FGD4: variants seen among roughly 807,000 people sequenced by gnomAD.
The protein encoded by FGD4 is FYVE, RhoGEF and PH domain-containing protein 4.
FGD4 carries 42 observed loss-of-function variants against 102.0 expected under a neutral mutation model. That is an observed-to-expected ratio of 0.41 (90% CI 0.32 to 0.53). FGD4 has a LOEUF of 0.53. Ranked by LOEUF, FGD4 falls within the 20% of genes least tolerant of loss-of-function variation. FGD4 has a pLI of 0.21. For missense variants in FGD4, 902 were observed against 1,078.2 expected (o/e 0.84, Z 2.29); for synonymous variants, 380 against 375.7 (o/e 1.01, Z -0.13).
At chr12:32,443,233 T>C (rs1942502627) in intron 1 of FGD4, among the ~76,000 whole-genome samples, 1 of 152,178 alleles carries the variant, frequency 6.6e-6, no homozygotes, top group Admixed American at 6.5e-5. Flanking sequence ...TGTCTGACAA[T>C]CTGACATCAA....
intron 1 of FGD4, among the ~76,000 whole-genome samples, chr12:32,504,497 T>G (rs1463761421): frequency 6.6e-6 from 1 of 152,222 alleles, no homozygotes; most frequent in East Asian, 1.9e-4. Context: ...GTGTCCACTA[T>G]GAAGCAATGC....
chr12:32,426,962 T>C (rs985228820), intron 1 of FGD4, among the ~76,000 whole-genome samples: 7 of 151,940 alleles, frequency 4.6e-5, no homozygotes, highest in African/African-American at 1.7e-4. Context: ...TCTTTTCTTC[T>C]TTCTTAGTCT....
chr12:32,624,800 A>G, intron 12 of FGD4, 176 bp from the exon 13 acceptor site: 1 of 655,202 alleles, frequency 1.5e-6, no homozygotes, highest in Non-Finnish European at 2.7e-6. Flanking sequence ...TTTTAGTAAC[A>G]TCTCTGTGTA....
rs151252244 is a variant in FGD4 at position 32,614,328 on chromosome 12, C to T, written c.1749+3045C>T. On this transcript the variant is annotated intron_variant, in intron 10 of 16. Transcript: ENST00000534526. ...GAGATGAAACATGGCTTTCCCAGTA[C>T]GATCCTGAAGACAAAACACAATCAG... is the stretch of plus-strand genomic sequence containing the variant. Among the ~76,000 whole-genome samples, 50 of 152,226 alleles carry T rather than the reference C, an allele frequency of 3.3e-4. 1 individual carries two copies. The East Asian group carries it at 5.6e-3, about 17-fold the overall frequency.
chr12:32,587,688 A>G (rs1212851528), intron 4 of FGD4, among the ~76,000 whole-genome samples: 1 of 152,112 alleles, frequency 6.6e-6, no homozygotes, highest in African/African-American at 2.4e-5. Flanking sequence ...GCCTGGCCAG[A>G]CACATCACTT....
rs1046799737 is a variant in FGD4, at chr12:32,632,213, G to C, written c.2173-1336G>C. On this transcript the variant is annotated intron_variant, in intron 14 of 16. Coordinates refer to ENST00000534526, the MANE Select transcript of FGD4 (RefSeq NM_001370298.3). The stretch of plus-strand genomic sequence containing the variant: ...GATTTTAAACAATTATTCTATAATA[G>C]AGAAAAGTTATCACTAAGAAGTAAT... Among the ~76,000 whole-genome samples the C allele has an allele frequency of 1.3e-5, 2 of 152,278 alleles. 1 individual carries two copies. Among genetic ancestry groups the C allele is most frequent in the East Asian group, 3.9e-4 (2 of 5,192 alleles).
intron 16 of FGD4, 193 bp downstream of exon 16, chr12:32,638,988 A>T: frequency 1.4e-6 from 2 of 1,416,242 alleles, no homozygotes; most frequent in Non-Finnish European, 1.9e-6. Flanking sequence ...TATTTTCTTC[A>T]GTTTGTGGAT....
intron 15 of FGD4, among the ~76,000 whole-genome samples, chr12:32,636,029 A>G (rs1483703314): frequency 6.6e-6 from 1 of 151,044 alleles, no homozygotes; most frequent in Non-Finnish European, 1.5e-5. Context: ...AATAATAATA[A>G]TAATAATAAT....
At chr12:32,598,392 C>CT in intron 4 of FGD4, 105 bp from the exon 5 acceptor site, 1 of 783,390 alleles carries the variant, frequency 1.3e-6, no homozygotes. Flanking sequence ...AACTGAAAAG[C>CT]TTGAGAAAAC....
intron 4 of FGD4, among the ~76,000 whole-genome samples, chr12:32,583,208 G>A (rs1946752219): frequency 6.6e-6 from 1 of 152,094 alleles, no homozygotes; most frequent in South Asian, 2.1e-4. Flanking sequence ...ATGGTAGTTT[G>A]CACCTGTGGT....
chr12:32,638,260 A>G (rs1215584482), intron 15 of FGD4, among the ~76,000 whole-genome samples: 1 of 152,034 alleles, frequency 6.6e-6, no homozygotes, highest in East Asian at 1.9e-4. Context: ...CGAAGTTCAG[A>G]CTCTGGATTC....
chr12:32,491,147 A>AAAC (rs1944079344), intron 1 of FGD4, among the ~76,000 whole-genome samples: 2 of 150,928 alleles, frequency 1.3e-5, no homozygotes, highest in Non-Finnish European at 3.0e-5. Flanking sequence ...AAAAAAAAAA[A>AAAC]AAACAAAAAA....
intron 3 of FGD4, among the ~76,000 whole-genome samples, chr12:32,576,730 A>T (rs116835055): frequency 6.6e-6 from 1 of 152,040 alleles, no homozygotes; most frequent in Non-Finnish European, 1.5e-5. Context: ...TTTCCTCTGT[A>T]TCTCTGTGTG....
chr12:32,560,002 T>C (rs1944409200), intron 1 of FGD4, among the ~76,000 whole-genome samples: 2 of 152,222 alleles, frequency 1.3e-5, no homozygotes, highest in Admixed American at 6.5e-5. Flanking sequence ...GGCTCTGCAC[T>C]GTTGGGGCCT....
intron 1 of FGD4, among the ~76,000 whole-genome samples, chr12:32,411,263 G>A (rs1355541522): frequency 1.3e-5 from 2 of 151,882 alleles, no homozygotes; most frequent in African/African-American, 4.8e-5. Flanking sequence ...TGGGTGGGAC[G>A]CGGTGGCTCA....
chr12:32,537,396 GCCT>G (rs2136105126), intron 1 of FGD4, among the ~76,000 whole-genome samples: 1 of 152,124 alleles, frequency 6.6e-6, no homozygotes, highest in Admixed American at 6.5e-5. Context: ...GCTTCTACTA[GCCT>G]CCTATCTACC....
intron 1 of FGD4, among the ~76,000 whole-genome samples, chr12:32,561,820 TATGTCTCATG>T (rs1443493514): frequency 1.3e-5 from 2 of 152,248 alleles, no homozygotes; most frequent in Non-Finnish European, 2.9e-5. Context: ...CCTCTTCATC[TATGTCTCATG>T]ATGTATTTGT....
chr12:32,435,428 ATAGAG>A (rs1942195346), intron 1 of FGD4, among the ~76,000 whole-genome samples: 1 of 152,190 alleles, frequency 6.6e-6, no homozygotes, highest in African/African-American at 2.4e-5. Flanking sequence ...GAAGGATTAA[ATAGAG>A]TAATGCTCAT....
intron 10 of FGD4, among the ~76,000 whole-genome samples, chr12:32,611,605 A>G (rs1209033120): frequency 2.0e-5 from 3 of 152,216 alleles, no homozygotes; most frequent in Non-Finnish European, 4.4e-5. Flanking sequence ...AAAAGGAATT[A>G]TATATAAAAA....
Sources: allele counts gnomAD v4.1 joint callset (sites outside exome capture counted in the v4.1 genomes callset), GRCh38; gene constraint gnomAD v4.1.1; transcripts MANE v1.5; gene names NCBI Gene and HGNC (gene_info 2026-07-23, HGNC 2026-07-21).